The following RABIF variants were observed in gnomAD, a reference collection of about 807,000 sequenced individuals.
RABIF encodes RAB interacting factor, also known as guanine nucleotide exchange factor MSS4.
In RABIF, 13 loss-of-function variants were observed where a neutral mutation model predicts 12.3. That is an observed-to-expected ratio of 1.06 (90% CI 0.69 to 1.68). The LOEUF (loss-of-function observed/expected upper bound fraction) is 1.68, where lower values mean the gene tolerates loss of function less well. Among genes scored for constraint, RABIF ranks in the 40% most tolerant of loss-of-function variants. The pLI is 0.00. For synonymous variants in RABIF, 70 were observed against 63.3 expected, an observed-to-expected ratio of 1.11 and a Z score of -0.50; for missense variants, 153 against 158.0, an observed-to-expected ratio of 0.97 and a Z score of 0.17.
chr1:202,881,246 G>T lies in RABIF; in HGVS notation c.127-23C>A, dbSNP rs569770894. 1.5e-5 allele frequency: 24 copies of T among 1,600,450 alleles called. 1 individual carries two copies. The South Asian group carries it at 2.2e-4, about 15-fold the overall frequency. On this transcript the variant is annotated intron_variant, in intron 1 of 1. Coordinates refer to ENST00000367262, the MANE Select transcript of RABIF (RefSeq NM_002871.5). ...AAGCTGCAGTGGGAAAGAACATAAAGAACGCAGAAGTTGAACTGGCCCAGT... is the reference window on the plus strand; with the variant it reads ...AAGCTGCAGTGGGAAAGAACATAAATAACGCAGAAGTTGAACTGGCCCAGT...
At chr1:202,888,565 C>G (rs1221316541) in intron 1 of RABIF, among the ~76,000 whole-genome samples, 1 of 152,210 alleles carries the variant, frequency 6.6e-6, no homozygotes, top group Non-Finnish European at 1.5e-5. Context: ...CCGCGGTGAG[C>G]GGCGGCCGAG....
In RABIF at chr1:202,885,019, C is replaced by T. The variant is rs546605694; in HGVS notation, c.127-3796G>A. Among the ~76,000 whole-genome samples, 29 of 141,392 alleles carry T rather than the reference C, an allele frequency of 2.1e-4. No homozygotes were observed. The South Asian group carries it at 6.2e-3, about 30-fold the overall frequency. 92.8% of individuals were successfully genotyped at this position (141,392 alleles called of 152,430 possible). Reference sequence around the variant, plus strand: ...TGGAGAATCTCTTGAACCCAGGAGGCGGAGGTTAGGTGAGCAGAGATCGTG... The same window carrying T: ...TGGAGAATCTCTTGAACCCAGGAGGTGGAGGTTAGGTGAGCAGAGATCGTG... On this transcript the variant is annotated intron_variant, in intron 1 of 1. Transcript: ENST00000367262.
rs187049529 is a variant in RABIF at position 202,889,093 on chromosome 1, T to C, written c.6A>G (p.Glu2=). The change falls in exon 1 of 2, where the codon GAA becomes GAG. Residue 2 remains glutamate, a synonymous_variant. Coordinates refer to ENST00000367262, the MANE Select transcript of RABIF (RefSeq NM_002871.5). ...CTAACTCGCTCGGCTGCTCCGCTGG[T>C]TCCATCGCCGCTGCCGCCACAGGCT... M[E]PAEQPSELVS... is the part of the protein sequence containing the mutation. 2.5e-6 allele frequency: 4 copies of C among 1,603,872 alleles called. No homozygotes were observed. In the African/African-American group the frequency reaches 4.0e-5, roughly 16 times the overall value.
chr1:202,881,092 C>T lies in RABIF; in HGVS notation c.258G>A (p.Val86=). The T allele has an allele frequency of 6.2e-7, 1 of 1,614,156 alleles. No homozygotes were observed. Among genetic ancestry groups the T allele is most frequent in the Non-Finnish European group, 8.5e-7 (1 of 1,180,030 alleles). The part of the protein sequence containing the change: ...IFENVGFTKD[V]GNIKFLVCAD... ...CGCAGACCAGAAACTTGATGTTGCC[C>T]ACGTCCTTGGTGAAGCCCACATTCT... is the stretch of plus-strand genomic sequence containing the variant. The change falls in exon 2 of 2, where the codon GTG becomes GTA. Residue 86 remains valine (V), a synonymous_variant. Coordinates refer to ENST00000367262, the MANE Select transcript of RABIF (RefSeq NM_002871.5).
intron 1 of RABIF, among the ~76,000 whole-genome samples, chr1:202,886,601 A>G (rs1451139779): frequency 6.6e-6 from 1 of 152,054 alleles, no homozygotes; most frequent in East Asian, 1.9e-4. Flanking sequence ...AAAACAAAAC[A>G]AAAGAAAGAT....
At position 202,889,086 on chromosome 1, in the gene RABIF, C is replaced by G. The variant is rs771995008; in HGVS notation, c.13G>C (p.Glu5Gln). 6.9e-6 allele frequency: 11 copies of G among 1,605,834 alleles called. No individual in the cohort carries two copies. The South Asian group carries it at 1.2e-4, about 18-fold the overall frequency. Residue 5 changes from glutamate to glutamine, a missense_variant, in exon 1 of 2, where the codon GAG becomes CAG. Coordinates refer to ENST00000367262, the MANE Select transcript of RABIF (RefSeq NM_002871.5). Reference sequence around the variant, plus strand: ...GCTGACACTAACTCGCTCGGCTGCTCCGCTGGTTCCATCGCCGCTGCCGCC... The same window carrying G: ...GCTGACACTAACTCGCTCGGCTGCTGCGCTGGTTCCATCGCCGCTGCCGCC... MEPA[E>Q]QPSELVSAEG...
chr1:202,887,191 G>C (rs1659576453), intron 1 of RABIF, among the ~76,000 whole-genome samples: 1 of 151,814 alleles, frequency 6.6e-6, no homozygotes, highest in African/African-American at 2.4e-5. Context: ...CTATATACTC[G>C]GCACAGTGCT....
intron 1 of RABIF, among the ~76,000 whole-genome samples, chr1:202,888,105 ATC>A (rs1659589289): frequency 6.6e-6 from 1 of 152,210 alleles, no homozygotes; most frequent in Non-Finnish European, 1.5e-5. Context: ...ACACTTCACC[ATC>A]TGTTCAAGCA....
Position 202,887,037 on chromosome 1 carries a change from T to G in RABIF, c.126+1936A>C, listed in dbSNP as rs576423521. ...GGTGTGGGCTATGTTTTGTTTTTTT[T>G]TTTTTTTTTTAAAGAAAAAACAATT... On this transcript the variant is annotated intron_variant, in intron 1 of 1. Coordinates refer to ENST00000367262, the MANE Select transcript of RABIF (RefSeq NM_002871.5). Among the ~76,000 whole-genome samples the G allele has an allele frequency of 2.7e-3, 411 of 151,488 alleles. 2 individuals are homozygous for G. The highest frequency in any genetic ancestry group is 6.6e-3 in the Admixed American group (100 of 15,254).
chr1:202,888,970 T>C lies in RABIF; in HGVS notation c.126+3A>G, dbSNP rs766478617. The C allele has an allele frequency of 6.7e-5, 104 of 1,556,394 alleles. No homozygotes were observed. Among genetic ancestry groups the C allele is most frequent in the Non-Finnish European group, 8.4e-5 (97 of 1,150,000 alleles). On this transcript the variant is annotated splice_donor_region_variant and intron_variant, in intron 1 of 1. Transcript: ENST00000367262. ...GTAAACGGCCTCCAACCTGCCTCCC[T>C]ACCTGTCGGCGAGAGAAGAGAGCGG...
intron 1 of RABIF, among the ~76,000 whole-genome samples, chr1:202,884,787 A>C (rs1410957171): frequency 1.3e-5 from 2 of 152,040 alleles, no homozygotes; most frequent in Admixed American, 1.3e-4. Flanking sequence ...TCCTGAGCAA[A>C]ATACATCATT....
At chr1:202,882,191 G>A (rs969055911) in intron 1 of RABIF, among the ~76,000 whole-genome samples, 2 of 152,062 alleles carry the variant, frequency 1.3e-5, no homozygotes, top group African/African-American at 4.8e-5. Context: ...ACCAGCCTAG[G>A]CAACATAGTG....
chr1:202,886,243 G>A (rs1380054948), intron 1 of RABIF, among the ~76,000 whole-genome samples: 1 of 138,910 alleles, frequency 7.2e-6, no homozygotes, highest in African/African-American at 2.7e-5. Context: ...CGGGAACGGG[G>A]AGGGGAGGGG....
At position 202,880,935 on chromosome 1, in the gene RABIF, T is replaced by G; in HGVS notation, c.*43A>C. 1 of 1,602,214 alleles carries G rather than the reference T, an allele frequency of 6.2e-7. No homozygotes were observed. Among genetic ancestry groups the G allele is most frequent in the South Asian group, 1.1e-5 (1 of 90,070 alleles). Reference sequence around the variant, plus strand: ...ATTAAAGGCCAGTTCTTGTGGGGAGTAGGTTTATCTTTGGAGATGGAGCTG... The same window carrying G: ...ATTAAAGGCCAGTTCTTGTGGGGAGGAGGTTTATCTTTGGAGATGGAGCTG... On this transcript the variant is annotated 3_prime_UTR_variant, in exon 2 of 2. Transcript: ENST00000367262.
At chr1:202,887,753 C>T (rs1262598754) in intron 1 of RABIF, among the ~76,000 whole-genome samples, 1 of 152,152 alleles carries the variant, frequency 6.6e-6, no homozygotes, top group Non-Finnish European at 1.5e-5. Flanking sequence ...TTCCGCCCGC[C>T]TCGGCCTCCC....
intron 1 of RABIF, among the ~76,000 whole-genome samples, chr1:202,887,600 C>A (rs554586337): frequency 2.0e-5 from 3 of 151,440 alleles, no homozygotes; most frequent in Non-Finnish European, 2.9e-5. Context: ...CAGGTTCAAG[C>A]GATTCTCCTG....
chr1:202,884,295 G>A (rs115613202), intron 1 of RABIF, among the ~76,000 whole-genome samples: 276 of 152,258 alleles, frequency 1.8e-3, no homozygotes, highest in African/African-American at 6.3e-3. Context: ...ATACAGATGA[G>A]AATAAAAACT....
At chr1:202,883,797 C>T (rs538871082) in intron 1 of RABIF, among the ~76,000 whole-genome samples, 4 of 152,300 alleles carry the variant, frequency 2.6e-5, no homozygotes, top group Admixed American at 2.0e-4. Flanking sequence ...CCATTCAAGG[C>T]ATCATATTGG....
At position 202,886,239 on chromosome 1, in the gene RABIF, CGGGGA is replaced by C. The variant is rs1346320588; in HGVS notation, c.126+2729_126+2733del. Among the ~76,000 whole-genome samples the C allele has an allele frequency of 1.8e-3, 157 of 87,056 alleles. 2 individuals are homozygous for C. The highest frequency in any genetic ancestry group is 6.1e-3 in the African/African-American group (144 of 23,736). 57.1% of individuals were successfully genotyped at this position (87,056 alleles called of 152,430 possible). ...GACAGAGCACAACGGGGAACGGGAA[CGGGGA>C]GGGGAGGGGAGGTGGGAAGGGAAGG... On this transcript the variant is annotated intron_variant, in intron 1 of 1. Transcript: ENST00000367262.
Sources: allele counts gnomAD v4.1 joint callset (sites outside exome capture counted in the v4.1 genomes callset), GRCh38; gene constraint gnomAD v4.1.1; transcripts MANE v1.5; gene names NCBI Gene and HGNC (gene_info 2026-07-23, HGNC 2026-07-21).